Variants in BLTP2 observed in about 807,000 individuals in gnomAD.
BLTP2 encodes the protein U937-associated antigen.
At chr17:28,621,437 C>A in the BLTP2 span, 1 of 1,614,212 alleles carries the variant, frequency 6.2e-7, no homozygotes, top group Non-Finnish European at 8.5e-7. Context: ...TGCCTGCCCA[C>A]TCTCCATCAG....
chr17:28,615,141 TCTC>T, the BLTP2 span: 1 of 1,614,182 alleles, frequency 6.2e-7, no homozygotes, highest in Admixed American at 1.7e-5. Flanking sequence ...AGCCGGGCTT[TCTC>T]CTCCTCTTCC....
At chr17:28,633,198 G>A in the BLTP2 span, 1 of 1,595,086 alleles carries the variant, frequency 6.3e-7, no homozygotes, top group Admixed American at 1.7e-5. Context: ...TCAGTGCCCT[G>A]GTCACTCACT....
At chr17:28,624,598 A>G in the BLTP2 span, among the ~76,000 whole-genome samples, 1 of 152,186 alleles carries the variant, frequency 6.6e-6, no homozygotes, top group African/African-American at 2.4e-5. Context: ...AATTTTAATA[A>G]AAGTAACAGA....
At chr17:28,641,372 T>C in the BLTP2 span, among the ~76,000 whole-genome samples, 1 of 152,204 alleles carries the variant, frequency 6.6e-6, no homozygotes, top group Non-Finnish European at 1.5e-5. Flanking sequence ...CCAGGCATGG[T>C]GGCTCACGCC....
the BLTP2 span, chr17:28,636,843 A>C: frequency 1.3e-6 from 1 of 783,556 alleles, no homozygotes; most frequent in African/African-American, 1.8e-5. Context: ...GTTTAAGACC[A>C]GTCTGGGCAA....
chr17:28,638,197 C>T, the BLTP2 span: 3 of 1,600,012 alleles, frequency 1.9e-6, no homozygotes, highest in Non-Finnish European at 2.6e-6. Context: ...CGCTCTGACG[C>T]ATGACAGGAT....
chr17:28,637,145 G>A, the BLTP2 span: 2 of 1,614,040 alleles, frequency 1.2e-6, no homozygotes, highest in Non-Finnish European at 1.7e-6. Flanking sequence ...GGATAGTTAG[G>A]GTGTCCAGTC....
chr17:28,627,041 G>T, the BLTP2 span, among the ~76,000 whole-genome samples: 2 of 152,188 alleles, frequency 1.3e-5, no homozygotes, highest in African/African-American at 4.8e-5. Context: ...TGGGTAGATA[G>T]TGTCAGAATT....
At chr17:28,624,371 C>T in the BLTP2 span, 1 of 1,613,216 alleles carries the variant, frequency 6.2e-7, no homozygotes, top group Non-Finnish European at 8.5e-7. Context: ...CTTCAATTAG[C>T]TTCTGCAACA....
chr17:28,621,494 T>C, the BLTP2 span: 1 of 1,613,620 alleles, frequency 6.2e-7, no homozygotes, highest in Non-Finnish European at 8.5e-7. Context: ...CTCGATATTC[T>C]TCACCTGAAG....
chr17:28,644,968 G>GCC, the BLTP2 span: 1 of 1,561,214 alleles, frequency 6.4e-7, no homozygotes, highest in Non-Finnish European at 8.7e-7. Flanking sequence ...CGCCGCCGCC[G>GCC]GCGCGGCCGG....
At chr17:28,628,429 G>T in the BLTP2 span, 1 of 1,614,180 alleles carries the variant, frequency 6.2e-7, no homozygotes, top group South Asian at 1.1e-5. Flanking sequence ...TTTGAGTACA[G>T]CTGCCTTTTT....
the BLTP2 span, chr17:28,615,699 C>T: frequency 6.2e-7 from 1 of 1,614,094 alleles, no homozygotes; most frequent in Non-Finnish European, 8.5e-7. Context: ...TCCCTTTTGA[C>T]AGCCATGGCA....
the BLTP2 span, chr17:28,636,884 G>GAAAAA: frequency 1.1e-6 from 1 of 942,594 alleles, no homozygotes; most frequent in Non-Finnish European, 1.6e-6. Context: ...GAAAAGACAA[G>GAAAAA]AAAAAAAAAA....
chr17:28,626,526 A>C, the BLTP2 span, among the ~76,000 whole-genome samples: 1 of 152,160 alleles, frequency 6.6e-6, no homozygotes, highest in Non-Finnish European at 1.5e-5. Flanking sequence ...CACTGGAAAG[A>C]CCCAGGCAGG....
At chr17:28,628,571 G>T in the BLTP2 span, 1 of 1,610,154 alleles carries the variant, frequency 6.2e-7, no homozygotes, top group Non-Finnish European at 8.5e-7. Context: ...TAAGAAACAG[G>T]AAAAGGACTT....
chr17:28,634,994 G>C, the BLTP2 span: 4 of 1,613,080 alleles, frequency 2.5e-6, no homozygotes, highest in Non-Finnish European at 3.4e-6. Context: ...GGTGGGAGTG[G>C]GACAGGGCTT....
the BLTP2 span, chr17:28,642,740 T>C: frequency 4.5e-6 from 3 of 668,422 alleles, no homozygotes; most frequent in East Asian, 5.0e-5. Context: ...GACAAGGCAA[T>C]TGGAAATGTC....
At chr17:28,639,904 CCAG>C in the BLTP2 span, 1 of 1,614,094 alleles carries the variant, frequency 6.2e-7, no homozygotes, top group South Asian at 1.1e-5. Context: ...CATGAACCTT[CCAG>C]CAGCAGTTCA....
Sources: allele counts gnomAD v4.1 joint callset (sites outside exome capture counted in the v4.1 genomes callset), GRCh38; gene constraint gnomAD v4.1.1; transcripts MANE v1.5; gene names NCBI Gene and HGNC (gene_info 2026-07-23, HGNC 2026-07-21).